Variants in NTRK2 observed in about 807,000 individuals in gnomAD.
NTRK2 encodes the protein neurotrophic receptor tyrosine kinase 2.
NTRK2 carries 13 observed loss-of-function variants against 94.5 expected under a neutral mutation model. The ratio of observed to expected loss-of-function variants is 0.14; its 90% CI spans 0.09 to 0.22. The LOEUF is 0.22. Ranked by LOEUF, NTRK2 falls within the 10% of genes least tolerant of loss-of-function variation. The pLI, the probability that NTRK2 is intolerant of heterozygous loss-of-function variation, is 1.00. For missense variants in NTRK2, 639 were observed against 1,071.2 expected, an observed-to-expected ratio of 0.60 and a Z score of 5.63; for synonymous variants, 372 against 407.4, an observed-to-expected ratio of 0.91 and a Z score of 1.05.
In NTRK2 at chr9:85,024,837, A is replaced by C. The variant is rs2118102088; in HGVS notation, c.*3400A>C. On this transcript the variant is annotated 3_prime_UTR_variant, in exon 19 of 19. Coordinates refer to ENST00000277120, the MANE Select transcript of NTRK2 (RefSeq NM_006180.6). Reference sequence around the variant, plus strand: ...AGAAAACACTTTGAACTATGCTATAAAAGATTATATCAGAATTCATATTAT... The same window carrying C: ...AGAAAACACTTTGAACTATGCTATACAAGATTATATCAGAATTCATATTAT... 8.6e-6 allele frequency: 2 copies of C among 233,006 alleles called. No individual in the cohort carries two copies. Among genetic ancestry groups the C allele is most frequent in the East Asian group, 1.2e-4 (2 of 16,500 alleles). The allele number at this position is 233,006 out of a possible 1,614,324, so 14.4% of individuals were successfully genotyped here.
intron 14 of NTRK2, among the ~76,000 whole-genome samples, chr9:84,928,144 T>G (rs1306032154): frequency 6.6e-6 from 1 of 152,220 alleles, no homozygotes. Flanking sequence ...ATTGCATTTA[T>G]TTTTTAATTT....
At chr9:84,842,872 G>A (rs1248731019) in intron 12 of NTRK2, among the ~76,000 whole-genome samples, 1 of 152,232 alleles carries the variant, frequency 6.6e-6, no homozygotes, top group Non-Finnish European at 1.5e-5. Flanking sequence ...TTTTCCAGAA[G>A]TTTATGAATG....
chr9:84,810,952 C>A, intron 12 of NTRK2: 1 of 1,132,310 alleles, frequency 8.8e-7, no homozygotes. Flanking sequence ...GACTTAATTG[C>A]TTCTGTTTAT....
At chr9:84,937,783 G>A (rs888817401) in intron 15 of NTRK2, among the ~76,000 whole-genome samples, 1 of 152,178 alleles carries the variant, frequency 6.6e-6, no homozygotes, top group Non-Finnish European at 1.5e-5. Flanking sequence ...ACGCTTCATC[G>A]CAGTTTCCCT....
In NTRK2 at chr9:85,023,525, A is replaced by T. The variant is rs555858368; in HGVS notation, c.*2088A>T. ...AGTTGACAAGATAAACCTTACGTCC[A>T]TTCAAGTTATATGCTGGCCTATGAG... On this transcript the variant is annotated 3_prime_UTR_variant, in exon 19 of 19. Transcript: ENST00000277120. 1 of 232,656 alleles carries T rather than the reference A, an allele frequency of 4.3e-6. No individual in the cohort carries two copies. Among genetic ancestry groups the T allele is most frequent in the Admixed American group, 5.6e-5 (1 of 17,770 alleles). 14.4% of individuals were successfully genotyped at this position (232,656 alleles called of 1,614,324 possible). A position where few individuals can be genotyped will look rare whatever the true frequency, so the allele number is the denominator to read the frequency against.
At chr9:84,778,254 C>T (rs2067244384) in intron 12 of NTRK2, among the ~76,000 whole-genome samples, 1 of 152,124 alleles carries the variant, frequency 6.6e-6, no homozygotes, top group African/African-American at 2.4e-5. Context: ...CAGATTAAGA[C>T]CCTGTCTAAA....
chr9:85,004,571 G>A (rs140329354), intron 17 of NTRK2, among the ~76,000 whole-genome samples: 436 of 152,300 alleles, frequency 2.9e-3, no homozygotes, highest in Non-Finnish European at 3.3e-3. Context: ...AACGAAGTGC[G>A]ATTGTAGAGG....
chr9:84,743,672 C>A lies in NTRK2; in HGVS notation c.1196-1301C>A, dbSNP rs2063828989. Among the ~76,000 whole-genome samples the A allele has an allele frequency of 3.9e-5, 6 of 152,180 alleles. No individual in the cohort carries two copies. In the South Asian group the frequency reaches 1.0e-3, roughly 26 times the overall value. ...AGTTAATTCAAGACTTTAAAAATGT[C>A]ATCTTCCTGTTAGCCTCAGATCCTA... On this transcript the variant is annotated intron_variant, in intron 10 of 18. Coordinates refer to ENST00000277120, the MANE Select transcript of NTRK2 (RefSeq NM_006180.6).
intron 12 of NTRK2, among the ~76,000 whole-genome samples, chr9:84,836,462 G>T (rs1207254823): frequency 6.6e-6 from 1 of 151,900 alleles, no homozygotes; most frequent in Non-Finnish European, 1.5e-5. Flanking sequence ...TGGAGCATGT[G>T]AGTTGCAGTA....
chr9:84,814,624 CT>C, intron 12 of NTRK2: 1 of 1,065,708 alleles, frequency 9.4e-7, no homozygotes, highest in African/African-American at 1.6e-5. Context: ...ACACCTCCGC[CT>C]GTTTTGGTGC....
Position 84,815,456 on chromosome 9 carries a change from G to A in NTRK2, c.1397-45584G>A, listed in dbSNP as rs12350758. 6,508 of 1,042,236 alleles carry A rather than the reference G, an allele frequency of 6.2e-3. 166 individuals are homozygous for A. The African/African-American group carries it at 0.068, about 11-fold the overall frequency. The allele number at this position is 1,042,236 out of a possible 1,614,324, so 64.6% of individuals were successfully genotyped here. On this transcript the variant is annotated intron_variant, in intron 12 of 18. Coordinates refer to ENST00000277120, the MANE Select transcript of NTRK2 (RefSeq NM_006180.6). The stretch of plus-strand genomic sequence containing the variant: ...AGAAACGCAAATCCTTGAGTTTCAC[G>A]CACTTCATGTTCAACCATTTGCTGT...
intron 12 of NTRK2, chr9:84,811,602 G>A: frequency 9.4e-7 from 1 of 1,065,556 alleles, no homozygotes; most frequent in East Asian, 5.0e-5. Flanking sequence ...CTGTGAGCAG[G>A]AGAGGAGATT....
intron 14 of NTRK2, among the ~76,000 whole-genome samples, chr9:84,886,433 G>C (rs138122976): frequency 2.3e-3 from 354 of 152,288 alleles, no homozygotes; most frequent in African/African-American, 8.1e-3. Context: ...TGCCACCCAG[G>C]CACTGCCTAG....
At chr9:84,752,642 A>G (rs1272634275) in intron 12 of NTRK2, among the ~76,000 whole-genome samples, 1 of 152,226 alleles carries the variant, frequency 6.6e-6, no homozygotes, top group Non-Finnish European at 1.5e-5. Context: ...TAGCAGGGCT[A>G]GATTAAAAAT....
chr9:84,791,864 C>T (rs768740423), intron 12 of NTRK2, among the ~76,000 whole-genome samples: 9 of 151,912 alleles, frequency 5.9e-5, no homozygotes, highest in Non-Finnish European at 1.2e-4. Context: ...TTTTAACAGA[C>T]GAGGCCACTG....
chr9:84,748,667 C>T (rs776881569), intron 11 of NTRK2, among the ~76,000 whole-genome samples: 4 of 152,158 alleles, frequency 2.6e-5, no homozygotes, highest in Non-Finnish European at 5.9e-5. Context: ...CTAACCTCCC[C>T]CATCGCAGTT....
At chr9:84,753,138 G>A (rs1040038977) in intron 12 of NTRK2, among the ~76,000 whole-genome samples, 1 of 152,164 alleles carries the variant, frequency 6.6e-6, no homozygotes, top group Non-Finnish European at 1.5e-5. Flanking sequence ...GAAATGAACA[G>A]GGAGGAGTGG....
At chr9:84,853,830 C>T (rs1282820334) in intron 12 of NTRK2, among the ~76,000 whole-genome samples, 1 of 152,142 alleles carries the variant, frequency 6.6e-6, no homozygotes, top group South Asian at 2.1e-4. Context: ...GCCTATAATT[C>T]CAGCACTTTG....
chr9:84,924,228 G>GAAGA (rs1564468564), intron 14 of NTRK2, among the ~76,000 whole-genome samples: 7 of 92,422 alleles, frequency 7.6e-5, no homozygotes, highest in African/African-American at 1.2e-4. Flanking sequence ...AAGAAAGAAA[G>GAAGA]TAGAAAGAAA....
Sources: gnomAD v4.1 joint callset for allele counts (sites outside exome capture counted in the v4.1 genomes callset) on GRCh38, gnomAD v4.1.1 for gene constraint, MANE v1.5 for transcripts, NCBI Gene and HGNC (gene_info 2026-07-23, HGNC 2026-07-21) for gene names.